The following EIF5B variants were observed in gnomAD, a reference collection of about 807,000 sequenced individuals.
EIF5B encodes the protein eukaryotic translation initiation factor 5B.
EIF5B carries 47 observed loss-of-function variants against 147.5 expected under a neutral mutation model. That is an observed-to-expected ratio of 0.32 (90% confidence interval 0.25 to 0.41). The LOEUF is 0.41. Ranked by LOEUF, EIF5B falls within the 10% of genes least tolerant of loss-of-function variation. EIF5B has a pLI of 1.00. For synonymous variants in EIF5B, 455 were observed against 456.2 expected (o/e 1.00, Z 0.03); for missense variants, 1,064 against 1,413.2 (o/e 0.75, Z 3.96).
At chr2:99,377,145 G>A (rs1399004758) in intron 10 of EIF5B, among the ~76,000 whole-genome samples, 1 of 151,964 alleles carries the variant, frequency 6.6e-6, no homozygotes, top group Admixed American at 6.6e-5. Flanking sequence ...CTTTAGTTCT[G>A]TCAGCTTAAT....
Position 99,361,218 on chromosome 2 carries a change from A to G in EIF5B, c.317A>G (p.Gln106Arg). The G allele has an allele frequency of 6.2e-7, 1 of 1,601,602 alleles. No homozygotes were observed. Among genetic ancestry groups the G allele is most frequent in the Non-Finnish European group, 8.5e-7 (1 of 1,177,036 alleles). ...KKKKGQKGKKQSFDDNDSEEL... is the reference protein window; with the variant it reads ...KKKKGQKGKKRSFDDNDSEEL... ...AAGAAAGGACAGAAGGGCAAAAAAC[A>G]GAGTTTTGATGATAATGATAGCGAA... Residue 106 changes from glutamine (Q) to arginine (R), a missense_variant, in exon 4 of 24, where the codon CAG becomes CGG. By Grantham distance (43) the Gln-to-Arg change is conservative (BLOSUM62 1). Transcript: ENST00000289371.
At position 99,338,274 on chromosome 2, in the gene EIF5B, A is replaced by G. The variant is rs532122507; in HGVS notation, c.35+685A>G. 9 of 1,277,670 alleles carry G rather than the reference A, an allele frequency of 7.0e-6. No homozygotes were observed. The South Asian group carries it at 9.9e-5, about 14-fold the overall frequency. 79.1% of individuals were successfully genotyped at this position (1,277,670 alleles called of 1,614,324 possible). ...GGTCGCTCCTTTCTAACCACCTGCA[A>G]TGCTTTGGGGAGGGAGGATAAGGGT... is the stretch of plus-strand genomic sequence containing the variant. On this transcript the variant is annotated intron_variant, in intron 1 of 23. Coordinates refer to ENST00000289371, the MANE Select transcript of EIF5B (RefSeq NM_015904.4).
chr2:99,397,980 G>A (rs1412411502), intron 22 of EIF5B: 1 of 150,714 alleles, frequency 6.6e-6, no homozygotes, highest in East Asian at 1.9e-4. Context: ...TTGATACTCA[G>A]ATTTTCTATT....
chr2:99,397,039 G>T, intron 22 of EIF5B, 141 bp downstream of exon 22: 1 of 944,650 alleles, frequency 1.1e-6, no homozygotes, highest in Non-Finnish European at 1.4e-6. Context: ...CTTAACAAAT[G>T]TTTCAGTGTT....
At chr2:99,343,363 G>C (rs1282806526) in intron 1 of EIF5B, among the ~76,000 whole-genome samples, 1 of 151,174 alleles carries the variant, frequency 6.6e-6, no homozygotes, top group Non-Finnish European at 1.5e-5. Context: ...TCTGTAGTTT[G>C]TTTTTTCCAC....
chr2:99,390,046 G>A (rs117366175), intron 15 of EIF5B, among the ~76,000 whole-genome samples, 173 bp from the exon 16 acceptor site: 1 of 152,066 alleles, frequency 6.6e-6, no homozygotes, highest in East Asian at 1.9e-4. Flanking sequence ...AGTTGACTTA[G>A]AACTACTTTG....
Position 99,337,841 on chromosome 2 carries a change from T to C in EIF5B, c.35+252T>C, listed in dbSNP as rs189401899. Among the ~76,000 whole-genome samples the C allele has an allele frequency of 8.6e-4, 131 of 152,232 alleles. 1 individual carries two copies. Among genetic ancestry groups the C allele is most frequent in the Admixed American group, 6.9e-3 (105 of 15,308 alleles). Reference sequence around the variant, plus strand: ...CCCTTCCCCGGCCTGAGGAGCGGGGTAGTCATTTGAGGGTTCCTGGTCGCG... The same window carrying C: ...CCCTTCCCCGGCCTGAGGAGCGGGGCAGTCATTTGAGGGTTCCTGGTCGCG... On this transcript the variant is annotated intron_variant, in intron 1 of 23. Transcript: ENST00000289371.
chr2:99,355,923 G>C (rs538946211), intron 1 of EIF5B, among the ~76,000 whole-genome samples: 30 of 151,978 alleles, frequency 2.0e-4, no homozygotes, highest in Non-Finnish European at 3.1e-4. Context: ...TCCCTGCTCA[G>C]TTTTTAAAAA....
intron 7 of EIF5B, among the ~76,000 whole-genome samples, chr2:99,368,979 T>G (rs1028915849): frequency 6.6e-6 from 1 of 152,212 alleles, no homozygotes; most frequent in African/African-American, 2.4e-5. Flanking sequence ...CTTGAAGAAA[T>G]AGGTTTGCAC....
At chr2:99,377,651 G>A (rs1217564668) in intron 10 of EIF5B, among the ~76,000 whole-genome samples, 1 of 152,098 alleles carries the variant, frequency 6.6e-6, no homozygotes, top group African/African-American at 2.4e-5. Context: ...AAGCAGAAGA[G>A]TTTCTCAATT....
intron 1 of EIF5B, chr2:99,338,401 A>G: frequency 8.5e-7 from 1 of 1,181,474 alleles, no homozygotes; most frequent in South Asian, 1.3e-5. Context: ...CCTGGGAGTG[A>G]ACAACATCTG....
Position 99,401,217 on chromosome 2 carries a change from G to A in EIF5B, c.*1803G>A, listed in dbSNP as rs781728560. 1 of 1,412,512 alleles carries A rather than the reference G, an allele frequency of 7.1e-7. No homozygotes were observed. The highest frequency in any genetic ancestry group is 1.0e-6 in the Non-Finnish European group (1 of 996,910). The allele number at this position is 1,412,512 out of a possible 1,614,324, so 87.5% of individuals were successfully genotyped here. On this transcript the variant is annotated 3_prime_UTR_variant, in exon 24 of 24. Coordinates refer to ENST00000289371, the MANE Select transcript of EIF5B (RefSeq NM_015904.4). ...AAGCACTTATGGCACAGCTATCAGAGAGCATCAGGCTCTCTGGTAATATTT... is the reference window on the plus strand; with the variant it reads ...AAGCACTTATGGCACAGCTATCAGAAAGCATCAGGCTCTCTGGTAATATTT...
At chr2:99,366,104 T>C (rs1365677977) in intron 6 of EIF5B, among the ~76,000 whole-genome samples, 1 of 152,202 alleles carries the variant, frequency 6.6e-6, no homozygotes, top group Non-Finnish European at 1.5e-5. Context: ...CACACACATA[T>C]ATGAGTACTT....
chr2:99,350,881 A>G (rs1194989103), intron 1 of EIF5B, among the ~76,000 whole-genome samples: 2 of 152,244 alleles, frequency 1.3e-5, no homozygotes, highest in South Asian at 4.1e-4. Flanking sequence ...ATTTTTGTTA[A>G]GTGGTGAGAT....
rs896178639 is a variant in EIF5B at position 99,400,487 on chromosome 2, CTA to C, written c.*1075_*1076del. ...ATATCCACTAGCATAGAATTTTAAACTATTTTTATTTTAAAGTTATGGCATAA... is the reference window on the plus strand; with the variant it reads ...ATATCCACTAGCATAGAATTTTAAACTTTTTATTTTAAAGTTATGGCATAA... On this transcript the variant is annotated 3_prime_UTR_variant, in exon 24 of 24. Transcript: ENST00000289371. The C allele has an allele frequency of 3.3e-5, 5 of 152,120 alleles. No individual in the cohort carries two copies. The East Asian group carries it at 5.8e-4, about 18-fold the overall frequency. 9.4% of individuals were successfully genotyped at this position (152,120 alleles called of 1,614,324 possible). A position where few individuals can be genotyped will look rare whatever the true frequency, so the allele number is the denominator to read the frequency against.
chr2:99,372,139 C>T (rs942355050), intron 9 of EIF5B, among the ~76,000 whole-genome samples: 3 of 152,082 alleles, frequency 2.0e-5, no homozygotes, highest in East Asian at 1.9e-4. Context: ...ATCTCTACTT[C>T]GAGATTTAAT....
chr2:99,339,500 A>C (rs567852075), intron 1 of EIF5B, among the ~76,000 whole-genome samples: 1 of 152,088 alleles, frequency 6.6e-6, no homozygotes, highest in Non-Finnish European at 1.5e-5. Flanking sequence ...GATTACACAA[A>C]TGTGTTCTTT....
At chr2:99,392,450 C>T (rs1260784314) in intron 17 of EIF5B, among the ~76,000 whole-genome samples, 2 of 152,184 alleles carry the variant, frequency 1.3e-5, no homozygotes, top group Admixed American at 6.5e-5. Context: ...CCACACTTGT[C>T]TACAGTGGGT....
At chr2:99,343,587 G>A (rs1028068868) in intron 1 of EIF5B, among the ~76,000 whole-genome samples, 9 of 151,908 alleles carry the variant, frequency 5.9e-5, no homozygotes, top group Non-Finnish European at 1.3e-4. Flanking sequence ...GGAGGCCGAG[G>A]TGGGTGGATC....
Sources: allele counts gnomAD v4.1 joint callset (sites outside exome capture counted in the v4.1 genomes callset), GRCh38; gene constraint gnomAD v4.1.1; transcripts MANE v1.5; gene names NCBI Gene and HGNC (gene_info 2026-07-23, HGNC 2026-07-21).